Variants in RACGAP1 observed in about 807,000 individuals in gnomAD.
RACGAP1 encodes rac GTPase-activating protein 1.
RACGAP1 carries 30 observed loss-of-function variants against 78.1 expected under a neutral mutation model. The observed-to-expected ratio is 0.38, with a 90% CI of 0.29 to 0.52. RACGAP1 has a LOEUF of 0.52. RACGAP1 is among the 20% of genes least tolerant of loss of function. The pLI is 0.82. For synonymous variants in RACGAP1, 231 were observed against 264.8 expected, an observed-to-expected ratio of 0.87 and a Z score of 1.24; for missense variants, 587 against 777.1, an observed-to-expected ratio of 0.76 and a Z score of 2.91.
chr12:49,996,834 G>C (rs1253563286), intron 10 of RACGAP1, among the ~76,000 whole-genome samples: 3 of 151,706 alleles, frequency 2.0e-5, no homozygotes, highest in Non-Finnish European at 4.4e-5. Context: ...AGGAAAAAGG[G>C]GCGGGGAAAG....
intron 1 of RACGAP1, among the ~76,000 whole-genome samples, chr12:50,018,172 A>AG (rs1241395463): frequency 2.0e-5 from 3 of 151,672 alleles, no homozygotes; most frequent in Non-Finnish European, 4.4e-5. Context: ...AAAAAAAAAA[A>AG]AGAATATATA....
At chr12:50,024,337 A>G (rs1003128013) in intron 1 of RACGAP1, among the ~76,000 whole-genome samples, 2 of 152,220 alleles carry the variant, frequency 1.3e-5, no homozygotes, top group Non-Finnish European at 2.9e-5. Flanking sequence ...CAGCCATAAA[A>G]AAGAATGAAA....
chr12:50,005,246 G>A lies in RACGAP1; in HGVS notation c.425+10C>T. The A allele has an allele frequency of 1.9e-6, 3 of 1,613,858 alleles. No individual in the cohort carries two copies. The highest frequency in any genetic ancestry group is 2.5e-6 in the Non-Finnish European group (3 of 1,179,970). On this transcript the variant is annotated intron_variant, in intron 4 of 16. Transcript: ENST00000312377. ...TTGTGATAGGATAACAACAGATGCA[G>A]TTCCTCCACCTTTTGTTCCCAGCAT...
chr12:50,007,058 A>G (rs1039336492), intron 2 of RACGAP1, among the ~76,000 whole-genome samples: 4 of 152,238 alleles, frequency 2.6e-5, no homozygotes, highest in Non-Finnish European at 5.9e-5. Context: ...CACCAGAGAG[A>G]TGTTAAACAG....
upstream of RACGAP1, among the ~76,000 whole-genome samples, chr12:50,027,176 A>T (rs1950283975): frequency 6.6e-6 from 1 of 152,228 alleles, no homozygotes; most frequent in South Asian, 2.1e-4. Context: ...TATTATTAAT[A>T]TTATTAAGAA....
chr12:50,010,624 G>T (rs750249588), intron 2 of RACGAP1, among the ~76,000 whole-genome samples: 1 of 150,736 alleles, frequency 6.6e-6, no homozygotes, highest in East Asian at 2.0e-4. Flanking sequence ...TGCCCGGCCC[G>T]GACTTAGCTT....
intron 9 of RACGAP1, 70 bp from the exon 10 acceptor site, chr12:49,997,274 T>C: frequency 2.1e-6 from 1 of 480,828 alleles, no homozygotes. Flanking sequence ...TCAACTAACT[T>C]TTTTTTTTTT....
intron 5 of RACGAP1, chr12:50,002,511 T>C: frequency 4.9e-6 from 2 of 406,600 alleles, no homozygotes; most frequent in Admixed American, 3.9e-5. Context: ...GAAGCTATTA[T>C]AATAAAATCA....
At chr12:50,032,536 AGTGTGTGT>A (rs60239235) in intron 1 of RACGAP1, among the ~76,000 whole-genome samples, 3 of 147,032 alleles carry the variant, frequency 2.0e-5, no homozygotes, top group South Asian at 2.2e-4. Context: ...GGAAAAGGTG[AGTGTGTGT>A]GTGTGTGTGT....
At chr12:50,012,519 C>T (rs192549166) in intron 2 of RACGAP1, among the ~76,000 whole-genome samples, 1 of 151,938 alleles carries the variant, frequency 6.6e-6, no homozygotes, top group Non-Finnish European at 1.5e-5. Flanking sequence ...CACGATTGTG[C>T]CATTGCACTC....
chr12:49,993,542 T>G (rs1263287865), intron 12 of RACGAP1, among the ~76,000 whole-genome samples: 1 of 152,048 alleles, frequency 6.6e-6, no homozygotes, highest in African/African-American at 2.4e-5. Flanking sequence ...ATCCCAGCAC[T>G]TTGGGAGGAC....
At chr12:50,026,762 A>G (rs950300429), upstream of RACGAP1, among the ~76,000 whole-genome samples, 1 of 152,226 alleles carries the variant, frequency 6.6e-6, no homozygotes, top group Non-Finnish European at 1.5e-5. Flanking sequence ...ATTATAGCTC[A>G]CTGCAAATAT....
At position 50,016,280 on chromosome 12, in the gene RACGAP1, G is replaced by T. The variant is rs1366553870; in HGVS notation, c.85+351C>A. Among the ~76,000 whole-genome samples, 6 of 152,242 alleles carry T rather than the reference G, an allele frequency of 3.9e-5. No individual in the cohort carries two copies. In the East Asian group the frequency reaches 7.7e-4, roughly 20 times the overall value. On this transcript the variant is annotated intron_variant, in intron 2 of 16. Transcript: ENST00000312377. The stretch of plus-strand genomic sequence containing the variant: ...TGTCTGTAATCCCTGCTACTCGAGA[G>T]GCTGAGACAAGGAATCGCTTGAACC...
chr12:50,023,326 C>A (rs1341792479), intron 1 of RACGAP1, among the ~76,000 whole-genome samples: 1 of 152,178 alleles, frequency 6.6e-6, no homozygotes, highest in East Asian at 1.9e-4. Flanking sequence ...ATAGGCTTAC[C>A]AGACTCACCA....
rs1013352176 is a variant in RACGAP1 at position 50,025,337 on chromosome 12, ACT to A, written c.-5+59_-5+60del. On this transcript the variant is annotated intron_variant, in intron 1 of 16. Coordinates refer to ENST00000312377, the MANE Select transcript of RACGAP1 (RefSeq NM_001319999.2). ...GGCGGCCACGGCTCACCACACGAACACTCTGCTTCCTATCACAATCCAGCGGC... is the reference window on the plus strand; with the variant it reads ...GGCGGCCACGGCTCACCACACGAACACTGCTTCCTATCACAATCCAGCGGC... 14 of 985,120 alleles carry A rather than the reference ACT, an allele frequency of 1.4e-5. No individual in the cohort carries two copies. The African/African-American group carries it at 2.1e-4, about 15-fold the overall frequency. 61.0% of individuals were successfully genotyped at this position (985,120 alleles called of 1,614,324 possible).
At position 50,007,613 on chromosome 12, in the gene RACGAP1, T is replaced by C. The variant is rs61677956; in HGVS notation, c.86-977A>G. ...CAGATTCTTAGGTAGTAAGGGCACT[T>C]TTCCCCTATGAATTTAACCTAAAAG... On this transcript the variant is annotated intron_variant, in intron 2 of 16. Transcript: ENST00000312377. Among the ~76,000 whole-genome samples the C allele has an allele frequency of 5.6e-4, 86 of 152,322 alleles. No homozygotes were observed. The East Asian group carries it at 0.016, about 28-fold the overall frequency.
In RACGAP1 at chr12:49,994,436, A is replaced by G. The variant is rs1279650317; in HGVS notation, c.1118T>C (p.Ile373Thr). The change falls in exon 11 of 17, where the codon ATT becomes ACT. Residue 373 changes from isoleucine to threonine, a missense_variant. Physicochemically the swap from Ile to Thr is moderately conservative, Grantham distance 89 (BLOSUM62 -1). Coordinates refer to ENST00000312377, the MANE Select transcript of RACGAP1 (RefSeq NM_001319999.2). ...TACCTCAGTCAGACCTCTTTGCTCA[A>G]TCTCATTTACACAATGCACAACAAT... The part of the protein sequence containing the change: ...PSIVVHCVNE[I>T]EQRGLTETGL... The G allele has an allele frequency of 6.2e-7, 1 of 1,614,144 alleles. No homozygotes were observed. The highest frequency in any genetic ancestry group is 2.2e-5 in the East Asian group (1 of 44,886).
chr12:50,009,307 G>A (rs368453369), intron 2 of RACGAP1, among the ~76,000 whole-genome samples: 7 of 150,122 alleles, frequency 4.7e-5, no homozygotes, highest in African/African-American at 9.8e-5. Context: ...AAAAAGTTAC[G>A]TACACCCTAA....
At chr12:50,027,081 C>G (rs915663930), upstream of RACGAP1, among the ~76,000 whole-genome samples, 1 of 152,174 alleles carries the variant, frequency 6.6e-6, no homozygotes, top group African/African-American at 2.4e-5. Context: ...AATCCCATCT[C>G]TATCTCACAG....
Sources: allele counts gnomAD v4.1 joint callset (sites outside exome capture counted in the v4.1 genomes callset), GRCh38; gene constraint gnomAD v4.1.1; transcripts MANE v1.5; gene names NCBI Gene and HGNC (gene_info 2026-07-23, HGNC 2026-07-21).